The following UNC13C variants were observed in gnomAD, a reference collection of about 807,000 sequenced individuals.
UNC13C encodes protein unc-13 homolog C.
Under a neutral mutation model 245.4 loss-of-function variants are expected in UNC13C, and 174 were observed. The ratio of observed to expected loss-of-function variants is 0.71; its 90% confidence interval spans 0.63 to 0.80. The LOEUF is 0.80. UNC13C is among the 30% of genes least tolerant of loss of function. UNC13C has a pLI of 0.00. For missense variants in UNC13C, 2,829 were observed against 2,602.9 expected, an observed-to-expected ratio of 1.09 and a Z score of -1.89; for synonymous variants, 992 against 895.1, an observed-to-expected ratio of 1.11 and a Z score of -1.93.
intron 17 of UNC13C, among the ~76,000 whole-genome samples, chr15:54,379,642 A>G (rs1386288295): frequency 1.3e-5 from 2 of 152,120 alleles, no homozygotes; most frequent in Non-Finnish European, 2.9e-5. Flanking sequence ...TAGGTCTACA[A>G]TAGAGGCTCT....
rs370928060 is a variant in UNC13C, at chr15:54,535,873, AC to A, written c.5696+2808del. Among the ~76,000 whole-genome samples, 1,126 of 152,238 alleles carry A rather than the reference AC, an allele frequency of 7.4e-3. 15 individuals carry two copies. Among genetic ancestry groups the A allele is most frequent in the African/African-American group, 0.026 (1,074 of 41,562 alleles). On this transcript the variant is annotated intron_variant, in intron 26 of 32. Coordinates refer to ENST00000260323, the MANE Select transcript of UNC13C (RefSeq NM_001080534.3). ...TTAAGAAAAAAGTATATAGTGCTCA[AC>A]ATCCAGATCAAAAAGTTAGAAATTA...
intron 4 of UNC13C, among the ~76,000 whole-genome samples, chr15:54,208,937 G>T (rs1181329101): frequency 6.6e-6 from 1 of 152,056 alleles, no homozygotes; most frequent in Admixed American, 6.6e-5. Context: ...TCTGTGTGAC[G>T]CAAGTCTCCA....
chr15:53,985,073 C>A (rs1367320565), intron 1 of UNC13C, among the ~76,000 whole-genome samples: 1 of 151,672 alleles, frequency 6.6e-6, no homozygotes, highest in Non-Finnish European at 1.5e-5. Context: ...CACCTATTGA[C>A]CCATCCTCTA....
chr15:54,615,545 C>CT (rs141451613), intron 30 of UNC13C, among the ~76,000 whole-genome samples: 1,587 of 152,126 alleles, frequency 0.01, 35 homozygotes, highest in South Asian at 0.046. Flanking sequence ...TATGGAGAAT[C>CT]TTTTTTTACC....
At chr15:54,143,066 T>G in intron 3 of UNC13C, 26 bp downstream of exon 3, 1 of 1,599,234 alleles carries the variant, frequency 6.3e-7, no homozygotes, top group South Asian at 1.1e-5. Flanking sequence ...TATTCTTCCC[T>G]CCTGAGGAAT....
At chr15:54,582,848 C>T (rs1172918591) in intron 30 of UNC13C, among the ~76,000 whole-genome samples, 1 of 152,122 alleles carries the variant, frequency 6.6e-6, no homozygotes, top group Non-Finnish European at 1.5e-5. Context: ...ATTTATATTA[C>T]TTAAGTAATG....
At chr15:53,899,542 A>G in the UNC13C span, among the ~76,000 whole-genome samples, 2 of 152,184 alleles carry the variant, frequency 1.3e-5, no homozygotes, top group Non-Finnish European at 2.9e-5. Context: ...CAAACTTTTT[A>G]GTCACTGTTC....
intron 17 of UNC13C, among the ~76,000 whole-genome samples, chr15:54,386,647 G>C (rs548924628): frequency 9.9e-5 from 15 of 152,190 alleles, no homozygotes; most frequent in Non-Finnish European, 1.9e-4. Context: ...TCCTGCACTT[G>C]TTGATGCAGA....
intron 2 of UNC13C, among the ~76,000 whole-genome samples, chr15:54,072,725 T>C (rs928599187): frequency 1.6e-4 from 25 of 152,354 alleles, no homozygotes; most frequent in East Asian, 1.5e-3. Flanking sequence ...ATTTGTCTTA[T>C]GTAATACACA....
chr15:53,886,715 A>G, the UNC13C span, among the ~76,000 whole-genome samples: 1 of 152,180 alleles, frequency 6.6e-6, no homozygotes, highest in Non-Finnish European at 1.5e-5. Context: ...ACAGTGGAGA[A>G]AACTGATAAA....
chr15:54,276,631 C>A (rs1421905678), intron 10 of UNC13C, among the ~76,000 whole-genome samples: 3 of 152,082 alleles, frequency 2.0e-5, no homozygotes, highest in Non-Finnish European at 4.4e-5. Context: ...ACCCCAAGTT[C>A]CTTAATGGGC....
chr15:54,276,770 C>G (rs1337318599), intron 10 of UNC13C, among the ~76,000 whole-genome samples: 1 of 152,000 alleles, frequency 6.6e-6, no homozygotes, highest in Non-Finnish European at 1.5e-5. Context: ...TAACATTTTT[C>G]CCCATTAGTC....
Position 53,990,714 on chromosome 15 carries a change from T to C in UNC13C, c.-257+11787T>C, listed in dbSNP as rs565549441. Among the ~76,000 whole-genome samples, 9 of 152,114 alleles carry C rather than the reference T, an allele frequency of 5.9e-5. No individual in the cohort carries two copies. The South Asian group carries it at 1.7e-3, about 28-fold the overall frequency. On this transcript the variant is annotated intron_variant, in intron 1 of 32. Transcript: ENST00000260323. ...GCCACTTTGTTCATTTACAATCAAA[T>C]TGGACCAGGGTTATGAAGCATTTCC...
chr15:54,040,872 G>A (rs778759551), intron 2 of UNC13C, among the ~76,000 whole-genome samples: 1 of 152,142 alleles, frequency 6.6e-6, no homozygotes, highest in African/African-American at 2.4e-5. Flanking sequence ...CCTCCTCCCA[G>A]TCTTTACTCA....
intron 20 of UNC13C, among the ~76,000 whole-genome samples, chr15:54,495,580 T>A (rs565179807): frequency 6.6e-6 from 1 of 152,088 alleles, no homozygotes; most frequent in South Asian, 2.1e-4. Context: ...ATGAAAGTTA[T>A]GAGCATAATT....
intron 2 of UNC13C, among the ~76,000 whole-genome samples, chr15:54,036,896 C>G (rs2288620): frequency 0.16 from 25,088 of 152,188 alleles, 2,595 homozygotes; most frequent in Admixed American, 0.25. Context: ...TGAGAGGATT[C>G]TGGGAAAGCA....
chr15:54,307,593 A>T (rs969173479), intron 13 of UNC13C, among the ~76,000 whole-genome samples: 1 of 151,962 alleles, frequency 6.6e-6, no homozygotes, highest in Non-Finnish European at 1.5e-5. Flanking sequence ...AGTAACAAGC[A>T]TGGGGGCTAT....
the UNC13C span, among the ~76,000 whole-genome samples, chr15:53,842,439 A>C: frequency 4.0e-4 from 61 of 152,246 alleles, 1 homozygote; most frequent in South Asian, 0.012. Context: ...ATGTCCTAAG[A>C]TCATTGGCTG....
chr15:54,116,387 T>C (rs2030248469), intron 2 of UNC13C, among the ~76,000 whole-genome samples: 1 of 152,142 alleles, frequency 6.6e-6, no homozygotes, highest in African/African-American at 2.4e-5. Flanking sequence ...TCTATCTAAC[T>C]CTATATTTGT....
Sources: allele counts gnomAD v4.1 joint callset (sites outside exome capture counted in the v4.1 genomes callset), GRCh38; gene constraint gnomAD v4.1.1; transcripts MANE v1.5; gene names NCBI Gene and HGNC (gene_info 2026-07-23, HGNC 2026-07-21).